Variants in SOX6 observed in about 807,000 individuals in gnomAD.
The protein encoded by SOX6 is transcription factor SOX-6.
SOX6 carries 11 observed loss-of-function variants against 97.8 expected under a neutral mutation model. That is an observed-to-expected ratio of 0.11 (90% CI 0.07 to 0.19). SOX6 has a LOEUF of 0.19. Ranked by LOEUF, SOX6 falls within the 10% of genes least tolerant of loss-of-function variation. SOX6 has a pLI of 1.00. For missense variants in SOX6, 810 were observed against 1,039.5 expected, an observed-to-expected ratio of 0.78 and a Z score of 3.04; for synonymous variants, 360 against 371.4, an observed-to-expected ratio of 0.97 and a Z score of 0.35.
At chr11:16,622,833 A>G (rs10766334) in intron 3 of SOX6, among the ~76,000 whole-genome samples, 152,005 of 152,294 alleles carry the variant, frequency 1, 75,858 homozygotes, top group Middle Eastern at 1. Flanking sequence ...GTTGTTTAGG[A>G]AATCTCCACA....
At chr11:16,225,169 T>A (rs923000098) in intron 4 of SOX6, among the ~76,000 whole-genome samples, 24 of 152,158 alleles carry the variant, frequency 1.6e-4, no homozygotes, top group Admixed American at 1.2e-3. Flanking sequence ...ATCTATAAAA[T>A]CTGAACATTG....
At chr11:16,145,149 A>G (rs1414517545) in intron 6 of SOX6, among the ~76,000 whole-genome samples, 1 of 152,150 alleles carries the variant, frequency 6.6e-6, no homozygotes, top group Non-Finnish European at 1.5e-5. Context: ...AACCTTATCC[A>G]CCATGATCAA....
chr11:16,117,773 C>T (rs1849389178), intron 6 of SOX6, among the ~76,000 whole-genome samples: 1 of 152,164 alleles, frequency 6.6e-6, no homozygotes, highest in African/African-American at 2.4e-5. Flanking sequence ...GAATGTAATA[C>T]TGCCTTTTCC....
At chr11:16,578,802 G>A (rs1414222684) in intron 4 of SOX6, among the ~76,000 whole-genome samples, 1 of 152,134 alleles carries the variant, frequency 6.6e-6, no homozygotes, top group African/African-American at 2.4e-5. Context: ...CACAATGAGA[G>A]ATCCTAAGCA....
Position 16,234,610 on chromosome 11 carries a change from A to G in SOX6, c.507T>C (p.Asn169=), listed in dbSNP as rs1852960722. The G allele has an allele frequency of 6.3e-7, 1 of 1,597,086 alleles. No individual in the cohort carries two copies. The highest frequency in any genetic ancestry group is 8.6e-7 in the Non-Finnish European group (1 of 1,167,514). ...KDWKEKMERL[N]TSELLGEIKG... ...TAATTTCTCCAAGAAGTTCACTGGT[A>G]TTTAGTCTTTCCATTTTTTCCTTCC... Residue 169 remains asparagine (N), a synonymous_variant, in exon 4 of 16, where the codon AAT becomes AAC. Coordinates refer to ENST00000683767, the MANE Select transcript of SOX6 (RefSeq NM_001367873.1).
chr11:16,638,621 TGA>T (rs1304148662), intron 3 of SOX6, among the ~76,000 whole-genome samples: 5 of 152,238 alleles, frequency 3.3e-5, no homozygotes, highest in Non-Finnish European at 7.3e-5. Flanking sequence ...CTAACTGGTC[TGA>T]GATGGTATCT....
intron 7 of SOX6, among the ~76,000 whole-genome samples, chr11:16,100,090 G>A (rs921744232): frequency 5.3e-5 from 8 of 151,558 alleles, no homozygotes; most frequent in African/African-American, 1.9e-4. Context: ...GGGATTTAAG[G>A]GTATTGTGAA....
At chr11:16,496,471 G>A (rs1489670185) in intron 4 of SOX6, among the ~76,000 whole-genome samples, 1 of 152,218 alleles carries the variant, frequency 6.6e-6, no homozygotes, top group Admixed American at 6.5e-5. Context: ...GAAAGTGGGT[G>A]CAGGACAGTG....
chr11:16,249,306 C>T (rs578253759), intron 3 of SOX6, among the ~76,000 whole-genome samples: 1 of 152,236 alleles, frequency 6.6e-6, no homozygotes, highest in East Asian at 1.9e-4. Context: ...GCATCATTCT[C>T]AAGTTGAAAG....
intron 3 of SOX6, among the ~76,000 whole-genome samples, chr11:16,304,636 T>A (rs1590108774): frequency 2.0e-5 from 3 of 152,330 alleles, no homozygotes; most frequent in East Asian, 3.9e-4. Context: ...AAGACATAGG[T>A]TCATTGCTAT....
chr11:15,994,351 TGA>T (rs1313541987), intron 13 of SOX6, among the ~76,000 whole-genome samples: 1 of 145,318 alleles, frequency 6.9e-6, no homozygotes, highest in East Asian at 2.0e-4. Context: ...GAAATCAGTG[TGA>T]GGAAAGGCAC....
chr11:16,491,060 T>C (rs1256627117), intron 4 of SOX6, among the ~76,000 whole-genome samples: 5 of 152,046 alleles, frequency 3.3e-5, no homozygotes, highest in African/African-American at 1.2e-4. Flanking sequence ...GAAAAATACA[T>C]GCAAAATATA....
At chr11:16,092,752 C>G (rs538443697) in intron 9 of SOX6, among the ~76,000 whole-genome samples, 2 of 151,788 alleles carry the variant, frequency 1.3e-5, no homozygotes, top group African/African-American at 4.8e-5. Context: ...GGCAACACTA[C>G]TCCCCATTAA....
intron 13 of SOX6, among the ~76,000 whole-genome samples, chr11:16,005,279 C>T (rs796172333): frequency 3.3e-5 from 5 of 151,852 alleles, no homozygotes; most frequent in East Asian, 3.9e-4. Flanking sequence ...AGGTTCTCTA[C>T]GATATAGACG....
intron 6 of SOX6, among the ~76,000 whole-genome samples, chr11:16,181,483 CCAA>C (rs1158722718): frequency 6.6e-6 from 1 of 150,644 alleles, no homozygotes; most frequent in Non-Finnish European, 1.5e-5. Context: ...TAAAATTAAT[CCAA>C]CAATAATCTC....
intron 4 of SOX6, among the ~76,000 whole-genome samples, chr11:16,608,315 A>C (rs776167185): frequency 3.3e-5 from 5 of 152,188 alleles, no homozygotes; most frequent in Non-Finnish European, 5.9e-5. Context: ...TGACAGAAGG[A>C]GGCATGGGCT....
intron 4 of SOX6, among the ~76,000 whole-genome samples, chr11:16,582,152 A>G (rs1030178517): frequency 2.0e-5 from 3 of 152,180 alleles, no homozygotes; most frequent in African/African-American, 7.2e-5. Flanking sequence ...AATACCAGCG[A>G]CTACCTGGGG....
At chr11:16,672,418 G>A (rs542738820) in intron 3 of SOX6, among the ~76,000 whole-genome samples, 82 of 152,336 alleles carry the variant, frequency 5.4e-4, no homozygotes, top group African/African-American at 1.9e-3. Context: ...ACATACCTGA[G>A]ACTGGGCAAT....
chr11:16,176,114 AC>A (rs1851179848), intron 6 of SOX6, among the ~76,000 whole-genome samples: 2 of 145,808 alleles, frequency 1.4e-5, no homozygotes, highest in Admixed American at 6.9e-5. Flanking sequence ...GATGGATGAG[AC>A]AGAGAGAGAG....
Sources: gnomAD v4.1 joint callset for allele counts (sites outside exome capture counted in the v4.1 genomes callset) on GRCh38, gnomAD v4.1.1 for gene constraint, MANE v1.5 for transcripts, NCBI Gene and HGNC (gene_info 2026-07-23, HGNC 2026-07-21) for gene names.